The following MEGF11 variants were observed in gnomAD, a reference collection of about 807,000 sequenced individuals.
MEGF11 encodes multiple epidermal growth factor-like domains protein 11.
A neutral mutation model predicts 146.6 loss-of-function variants in MEGF11; 126 were observed. That is an observed-to-expected ratio of 0.86 (90% CI 0.74 to 1.00). The LOEUF (loss-of-function observed/expected upper bound fraction) is 1.00. Ranked by LOEUF, MEGF11 falls within the 50% of genes least tolerant of loss-of-function variation. The pLI is 0.00. For missense variants in MEGF11, 1,509 were observed against 1,521.2 expected, an observed-to-expected ratio of 0.99 and a Z score of 0.13; for synonymous variants, 532 against 583.4, an observed-to-expected ratio of 0.91 and a Z score of 1.27.
chr15:65,968,305 C>T (rs991577498), intron 8 of MEGF11, among the ~76,000 whole-genome samples: 4 of 152,218 alleles, frequency 2.6e-5, no homozygotes, highest in Admixed American at 2.0e-4. Context: ...TGGATTTCTC[C>T]AGAAGTCACT....
intron 1 of MEGF11, among the ~76,000 whole-genome samples, chr15:66,185,050 G>T (rs2090658908): frequency 6.6e-6 from 1 of 152,084 alleles, no homozygotes; most frequent in South Asian, 2.1e-4. Flanking sequence ...GAAGGCCACC[G>T]GGTCTGTTCT....
chr15:66,165,387 G>C (rs2090069404), intron 1 of MEGF11, among the ~76,000 whole-genome samples: 1 of 152,206 alleles, frequency 6.6e-6, no homozygotes, highest in Non-Finnish European at 1.5e-5. Flanking sequence ...GGTGTCCACA[G>C]GGCAGCTGAC....
chr15:66,058,801 C>T (rs147448750), intron 5 of MEGF11, among the ~76,000 whole-genome samples: 73 of 152,236 alleles, frequency 4.8e-4, no homozygotes, highest in African/African-American at 1.7e-3. Context: ...TGATGACATG[C>T]AATGCTGTTA....
At chr15:65,915,348 C>T in intron 19 of MEGF11, 122 bp downstream of exon 19, 1 of 1,324,806 alleles carries the variant, frequency 7.5e-7, no homozygotes, top group Non-Finnish European at 1.0e-6. Context: ...CCTATTCCTG[C>T]TGTCCTCACA....
At chr15:65,967,711 CACAGTGACAAGGAGAAGAGG>C (rs1310783087) in intron 8 of MEGF11, among the ~76,000 whole-genome samples, 4 of 152,072 alleles carry the variant, frequency 2.6e-5, no homozygotes, top group African/African-American at 9.7e-5. Flanking sequence ...GCTCTGTGCC[CACAGTGACAAGGAGAAGAGG>C]ACGGTGACTG....
chr15:66,180,839 C>T (rs763441694), intron 1 of MEGF11, among the ~76,000 whole-genome samples: 1 of 152,242 alleles, frequency 6.6e-6, no homozygotes, highest in Non-Finnish European at 1.5e-5. Context: ...CTCTGCCTCT[C>T]CATTTAAATA....
intron 7 of MEGF11, among the ~76,000 whole-genome samples, chr15:65,972,082 G>A (rs1483540559): frequency 1.3e-5 from 2 of 152,074 alleles, no homozygotes; most frequent in East Asian, 3.8e-4. Flanking sequence ...AAAACATAAA[G>A]TTGAGGAAAT....
In MEGF11 at chr15:65,909,100, A is replaced by G. The variant is rs746350457; in HGVS notation, c.2932T>C (p.Tyr978His). The G allele has an allele frequency of 2.6e-6, 4 of 1,535,752 alleles. No homozygotes were observed. In the South Asian group the frequency reaches 4.8e-5, roughly 18 times the overall value. ...HFQISALEAR[Y>H]PPEDFYIELR... ...TCAATGTAGAAGTCCTCGGGCGGGT[A>G]CCTGGCCTCCAGGGCACTGATCTGG... The change falls in exon 23 of 26, where the codon TAC becomes CAC. Residue 978 changes from tyrosine (Y) to histidine (H), a missense_variant. Transcript: ENST00000395614.
In MEGF11 at chr15:66,235,514, AAG is replaced by A. The variant is rs1491281779; in HGVS notation, c.-9+18089_-9+18090del. Among the ~76,000 whole-genome samples, 28 of 122,826 alleles carry A rather than the reference AAG, an allele frequency of 2.3e-4. No individual in the cohort carries two copies. In the East Asian group the frequency reaches 6.1e-3, roughly 27 times the overall value. 80.6% of individuals were successfully genotyped at this position (122,826 alleles called of 152,430 possible). ...AAGACTCTGTCTCAAAGAAAAAAAA[AAG>A]GTCAAAATCTGTAACAAATCCAGAG... On this transcript the variant is annotated intron_variant, in intron 1 of 25. Transcript: ENST00000395614.
intron 24 of MEGF11, among the ~76,000 whole-genome samples, chr15:65,904,417 T>A (rs2078569242): frequency 6.6e-6 from 1 of 152,220 alleles, no homozygotes; most frequent in Non-Finnish European, 1.5e-5. Context: ...GTCTGTTGGC[T>A]GGCTGGGGAT....
chr15:65,964,522 C>T (rs565344003), intron 9 of MEGF11, among the ~76,000 whole-genome samples: 1 of 152,262 alleles, frequency 6.6e-6, no homozygotes, highest in South Asian at 2.1e-4. Context: ...GGGAAATATT[C>T]TCCAGGACAA....
At chr15:65,915,627 G>A (rs753815581) in intron 18 of MEGF11, 29 bp from the exon 19 acceptor site, 1 of 1,608,970 alleles carries the variant, frequency 6.2e-7, no homozygotes, top group Non-Finnish European at 8.5e-7. Context: ...TAGGGTAGAG[G>A]ACCCACTCAC....
At chr15:66,127,854 CT>C (rs11340197) in intron 2 of MEGF11, among the ~76,000 whole-genome samples, 1 of 151,438 alleles carries the variant, frequency 6.6e-6, no homozygotes, top group Non-Finnish European at 1.5e-5. Flanking sequence ...CTCACCCGTC[CT>C]CCTCAGGGCA....
intron 5 of MEGF11, among the ~76,000 whole-genome samples, chr15:66,008,722 G>T (rs1053384996): frequency 2.6e-5 from 4 of 151,974 alleles, no homozygotes; most frequent in Admixed American, 2.6e-4. Context: ...TACTCAGGAG[G>T]CTGAGGTGGG....
At chr15:65,947,786 A>G (rs58541825) in intron 10 of MEGF11, among the ~76,000 whole-genome samples, 13,681 of 152,232 alleles carry the variant, frequency 0.09, 587 homozygotes, top group Middle Eastern at 0.11. Flanking sequence ...TAAAGCATAG[A>G]TGCCGCAGAT....
intron 4 of MEGF11, among the ~76,000 whole-genome samples, chr15:66,113,880 CA>C (rs112279785): frequency 8.5e-4 from 117 of 137,838 alleles, no homozygotes; most frequent in Admixed American, 8.8e-4. Context: ...AACTCTGTCT[CA>C]AAAAAAAAAA....
intron 5 of MEGF11, among the ~76,000 whole-genome samples, chr15:66,008,052 A>G (rs1412829795): frequency 1.3e-5 from 2 of 152,200 alleles, no homozygotes; most frequent in Admixed American, 6.5e-5. Flanking sequence ...AGTGTCCACT[A>G]TGCAGACCAA....
intron 1 of MEGF11, among the ~76,000 whole-genome samples, chr15:66,138,326 G>C (rs1234087656): frequency 6.6e-6 from 1 of 152,200 alleles, no homozygotes; most frequent in Non-Finnish European, 1.5e-5. Context: ...TATCACAATG[G>C]TGTGGCATGT....
At chr15:66,209,492 C>T (rs555451435) in intron 1 of MEGF11, among the ~76,000 whole-genome samples, 1 of 152,240 alleles carries the variant, frequency 6.6e-6, no homozygotes, top group Admixed American at 6.5e-5. Context: ...TTGTAACAGC[C>T]AAAAACTAGA....
Sources: gnomAD v4.1 joint callset for allele counts (sites outside exome capture counted in the v4.1 genomes callset) on GRCh38, gnomAD v4.1.1 for gene constraint, MANE v1.5 for transcripts, NCBI Gene and HGNC (gene_info 2026-07-23, HGNC 2026-07-21) for gene names.